Variants in ENPP6 observed in about 807,000 individuals in gnomAD.
ENPP6 encodes the protein ectonucleotide pyrophosphatase/phosphodiesterase 6.
Under a neutral mutation model 42.0 loss-of-function variants are expected in ENPP6, and 32 were observed. The observed-to-expected ratio is 0.76, with a 90% CI of 0.58 to 1.02. ENPP6 has a LOEUF of 1.02. ENPP6 is among the 50% of genes least tolerant of loss of function. The pLI, the probability that ENPP6 is intolerant of heterozygous loss-of-function variation, is 0.00. For missense variants in ENPP6, 552 were observed against 566.8 expected, an observed-to-expected ratio of 0.97 and a Z score of 0.27; for synonymous variants, 213 against 216.0, an observed-to-expected ratio of 0.99 and a Z score of 0.12.
chr4:184,131,102 T>C (rs1306359165), intron 2 of ENPP6, among the ~76,000 whole-genome samples: 2 of 152,224 alleles, frequency 1.3e-5, no homozygotes, highest in Admixed American at 6.5e-5. Flanking sequence ...CAAAGAGTTT[T>C]GTAAAGCTAT....
In ENPP6 at chr4:184,175,088, C is replaced by T. The variant is rs1021861884; in HGVS notation, c.242-21355G>A. On this transcript the variant is annotated intron_variant, in intron 1 of 7. Transcript: ENST00000296741. The stretch of plus-strand genomic sequence containing the variant: ...AGTATCCCCGTCTCTCCTCTTGGCT[C>T]CCAGGACCTGACCCCGCTCTCCCTC... Among the ~76,000 whole-genome samples, 9 of 152,298 alleles carry T rather than the reference C, an allele frequency of 5.9e-5. No individual in the cohort carries two copies. In the East Asian group the frequency reaches 1.7e-3, roughly 29 times the overall value.
intron 2 of ENPP6, among the ~76,000 whole-genome samples, chr4:184,146,494 T>C (rs992310370): frequency 6.6e-6 from 1 of 152,058 alleles, no homozygotes; most frequent in African/African-American, 2.4e-5. Flanking sequence ...TTTTTCTTGC[T>C]ATAAAAACAA....
At chr4:184,154,378 AC>A (rs1379110676) in intron 1 of ENPP6, among the ~76,000 whole-genome samples, 1 of 152,134 alleles carries the variant, frequency 6.6e-6, no homozygotes, top group Non-Finnish European at 1.5e-5. Flanking sequence ...AAACGCTTGG[AC>A]TCTTTTGAAA....
At chr4:184,131,589 CTT>C (rs1736636144) in intron 2 of ENPP6, among the ~76,000 whole-genome samples, 1 of 150,056 alleles carries the variant, frequency 6.7e-6, no homozygotes. Flanking sequence ...GTCTTGAACT[CTT>C]GACCTCAGGT....
At chr4:184,118,571 G>A (rs528155090) in intron 3 of ENPP6, among the ~76,000 whole-genome samples, 5 of 152,342 alleles carry the variant, frequency 3.3e-5, no homozygotes, top group African/African-American at 1.2e-4. Flanking sequence ...TGTGATGCCT[G>A]TGATTCAGGG....
Position 184,091,191 on chromosome 4 carries a change from A to G in ENPP6, c.1309T>C (p.Phe437Leu), listed in dbSNP as rs763966479. 1.3e-6 allele frequency: 2 copies of G among 1,561,584 alleles called. No individual in the cohort carries two copies. Among genetic ancestry groups the G allele is most frequent in the East Asian group, 2.3e-5 (1 of 44,082 alleles). Residue 437 changes from phenylalanine (F) to leucine (L), a missense_variant, in exon 8 of 8, where the codon TTC becomes CTC. By Grantham distance (22) the Phe-to-Leu change is conservative. Around this residue, in one of 2 missense-constraint regions of ENPP6, gnomAD observed 545 missense variants for 546.3 expected, o/e 1.00. Transcript: ENST00000296741. ...SHCALALILL[F>L]LLA is the part of the protein sequence containing the mutation. ...AATATGATCAGTTATGCAAGCAGGA[A>G]GAGAAGAATCAGTGCCAGGGCACAG... is the stretch of plus-strand genomic sequence containing the variant.
chr4:184,186,473 C>G (rs760152093), intron 1 of ENPP6, among the ~76,000 whole-genome samples: 1 of 151,880 alleles, frequency 6.6e-6, no homozygotes, highest in Non-Finnish European at 1.5e-5. Context: ...GAAGAGAGAA[C>G]AAGAAAGAAA....
chr4:184,124,175 A>G lies in ENPP6; in HGVS notation c.519T>C (p.Ala173=), dbSNP rs771675107. 21 of 1,613,728 alleles carry G rather than the reference A, an allele frequency of 1.3e-5. No homozygotes were observed. The Admixed American group carries it at 3.3e-4, about 26-fold the overall frequency. ...GGGACACTTACTTGAAGGAGTCAAG[A>G]GCATCGCTGACTGCATTGGCAAAAT... is the stretch of plus-strand genomic sequence containing the variant. ...DINFANAVSD[A]LDSFKSGRAD... is the part of the protein sequence containing the mutation. Residue 173 remains alanine (A), a synonymous_variant, in exon 3 of 8, where the codon GCT becomes GCC. Transcript: ENST00000296741.
intron 1 of ENPP6, among the ~76,000 whole-genome samples, chr4:184,208,560 T>C (rs1250348127): frequency 3.3e-5 from 5 of 151,864 alleles, no homozygotes; most frequent in Admixed American, 6.6e-5. Context: ...ACCACGAGAT[T>C]ATAACCCGCA....
At chr4:184,113,162 G>A (rs1736231888) in intron 5 of ENPP6, among the ~76,000 whole-genome samples, 1 of 152,136 alleles carries the variant, frequency 6.6e-6, no homozygotes, top group African/African-American at 2.4e-5. Context: ...TTCATGGTGT[G>A]GTTCTGCAAT....
Position 184,096,813 on chromosome 4 carries a change from AG to A in ENPP6, c.1117+431del, listed in dbSNP as rs373261753. ...ACTCTAAACTAAATGAGCCTCTCTG[AG>A]GTGGGTGCTCGAGACGGGAAGGACC... On this transcript the variant is annotated intron_variant, in intron 7 of 7. Coordinates refer to ENST00000296741, the MANE Select transcript of ENPP6 (RefSeq NM_153343.4). Among the ~76,000 whole-genome samples the A allele has an allele frequency of 6.3e-3, 956 of 152,206 alleles. 6 individuals carry two copies. The highest frequency in any genetic ancestry group is 0.01 in the Non-Finnish European group (700 of 68,000).
chr4:184,179,524 T>G (rs1403783218), intron 1 of ENPP6, among the ~76,000 whole-genome samples: 1 of 152,226 alleles, frequency 6.6e-6, no homozygotes, highest in Non-Finnish European at 1.5e-5. Flanking sequence ...CTGATAGATA[T>G]CTACAGAACT....
chr4:184,210,970 C>T (rs1317780127), intron 1 of ENPP6, among the ~76,000 whole-genome samples: 2 of 151,000 alleles, frequency 1.3e-5, no homozygotes, highest in Non-Finnish European at 3.0e-5. Context: ...AACTGAACAA[C>T]CTGCTCCTGA....
At chr4:184,118,568 C>G (rs1202713486) in intron 3 of ENPP6, among the ~76,000 whole-genome samples, 1 of 152,172 alleles carries the variant, frequency 6.6e-6, no homozygotes, top group Non-Finnish European at 1.5e-5. Context: ...ATTTGTGATG[C>G]CTGTGATTCA....
intron 1 of ENPP6, among the ~76,000 whole-genome samples, chr4:184,178,179 G>T (rs1403075191): frequency 6.6e-6 from 1 of 152,082 alleles, no homozygotes; most frequent in Non-Finnish European, 1.5e-5. Flanking sequence ...AAATATAAAT[G>T]ACCTGATGGA....
chr4:184,139,227 C>T (rs73007804), intron 2 of ENPP6, among the ~76,000 whole-genome samples: 3,806 of 152,102 alleles, frequency 0.025, 164 homozygotes, highest in African/African-American at 0.087. Context: ...GGCTAGGCAA[C>T]GGCCAGCAAT....
chr4:184,097,181 GC>G (rs1373342123), intron 7 of ENPP6, 63 bp downstream of exon 7: 1 of 1,601,392 alleles, frequency 6.2e-7, no homozygotes, highest in Non-Finnish European at 8.5e-7. Flanking sequence ...GGCACCCGTA[GC>G]CCCCCTTACA....
rs142767000 is a variant in ENPP6, at chr4:184,173,437, G to A, written c.242-19704C>T. Among the ~76,000 whole-genome samples, 292 of 152,280 alleles carry A rather than the reference G, an allele frequency of 1.9e-3. 2 individuals are homozygous for A. The highest frequency in any genetic ancestry group is 6.5e-3 in the African/African-American group (269 of 41,550). ...TCCATTTTCCAATCTTTCTAAGGTA[G>A]TTCAGGTACAATTACTTGAGGCAGA... On this transcript the variant is annotated intron_variant, in intron 1 of 7. Transcript: ENST00000296741.
intron 1 of ENPP6, among the ~76,000 whole-genome samples, chr4:184,175,722 C>T (rs937643671): frequency 2.0e-5 from 3 of 152,106 alleles, no homozygotes; most frequent in East Asian, 1.9e-4. Flanking sequence ...TTACACCAAG[C>T]GTGTTCTTTA....
Sources: gnomAD v4.1 joint callset for allele counts (sites outside exome capture counted in the v4.1 genomes callset) on GRCh38, gnomAD v4.1.1 for gene constraint, gnomAD v4.1.1 regional missense constraint, MANE v1.5 for transcripts, NCBI Gene and HGNC (gene_info 2026-07-23, HGNC 2026-07-21) for gene names.